The following ARHGEF11 variants were observed in gnomAD, a reference collection of about 807,000 sequenced individuals.
ARHGEF11 encodes Rho guanine nucleotide exchange factor 11.
Under a neutral mutation model 193.7 loss-of-function variants are expected in ARHGEF11, and 55 were observed. The observed-to-expected ratio is 0.28, with a 90% CI of 0.23 to 0.36. The LOEUF (loss-of-function observed/expected upper bound fraction) is 0.36, where lower values mean the gene tolerates loss of function less well. ARHGEF11 is among the 10% of genes least tolerant of loss of function. ARHGEF11 has a pLI of 1.00. For missense variants in ARHGEF11, 1,723 were observed against 2,005.6 expected (o/e 0.86, Z 2.69); for synonymous variants, 693 against 768.0 (o/e 0.90, Z 1.62).
intron 11 of ARHGEF11, among the ~76,000 whole-genome samples, chr1:156,967,553 G>A (rs1342175292): frequency 6.6e-6 from 1 of 152,138 alleles, no homozygotes; most frequent in African/African-American, 2.4e-5. Context: ...GATCAGTAAA[G>A]GTCCTAGGGG....
rs183054855 is a variant in ARHGEF11 at position 157,043,078 on chromosome 1, G to A, written c.32+1221C>T. On this transcript the variant is annotated intron_variant, in intron 1 of 40. Coordinates refer to ENST00000368194, the MANE Select transcript of ARHGEF11 (RefSeq NM_198236.3). Reference sequence around the variant, plus strand: ...GCTGAACTAATCTAAATGGGACTCTGAGGCAATACAGAGATTAGTGCTTGA... The same window carrying A: ...GCTGAACTAATCTAAATGGGACTCTAAGGCAATACAGAGATTAGTGCTTGA... Among the ~76,000 whole-genome samples the A allele has an allele frequency of 3.9e-5, 6 of 152,296 alleles. No homozygotes were observed. In the East Asian group the frequency reaches 7.7e-4, roughly 20 times the overall value.
chr1:156,940,509 G>A (rs1168363329), intron 35 of ARHGEF11, 84 bp from the exon 36 acceptor site: 3 of 1,285,216 alleles, frequency 2.3e-6, no homozygotes, highest in East Asian at 4.8e-5. Flanking sequence ...TGGAGCCAAG[G>A]GGCTGGGAAC....
chr1:157,028,196 G>C (rs192681408), intron 1 of ARHGEF11, among the ~76,000 whole-genome samples: 32 of 152,282 alleles, frequency 2.1e-4, no homozygotes, highest in African/African-American at 7.5e-4. Flanking sequence ...CTGTGCAAAG[G>C]CTCCAAGATC....
At chr1:156,990,287 T>C (rs962319390) in intron 1 of ARHGEF11, among the ~76,000 whole-genome samples, 3 of 152,236 alleles carry the variant, frequency 2.0e-5, no homozygotes, top group Non-Finnish European at 4.4e-5. Context: ...TAAACATTTT[T>C]AAGAGACTAT....
rs745891824 is a variant in ARHGEF11 at position 156,941,412 on chromosome 1, G to A, written c.3474C>T (p.Asp1158=). The A allele has an allele frequency of 5.6e-6, 9 of 1,613,738 alleles. No individual in the cohort carries two copies. The highest frequency in any genetic ancestry group is 6.8e-6 in the Non-Finnish European group (8 of 1,179,854). ...TPSRVELDDS[D]VFHGEPEPEE... ...CAGGTTCAGGTTCACCATGGAACAC[G>A]TCTGAGTCATCCAGTTCTACCCTGA... is the stretch of plus-strand genomic sequence containing the variant. Residue 1158 remains aspartate (D), a synonymous_variant, in exon 35 of 41, where the codon GAC becomes GAT. Coordinates refer to ENST00000368194, the MANE Select transcript of ARHGEF11 (RefSeq NM_198236.3).
At chr1:156,996,303 T>C (rs940485234) in intron 1 of ARHGEF11, among the ~76,000 whole-genome samples, 1 of 152,078 alleles carries the variant, frequency 6.6e-6, no homozygotes, top group Non-Finnish European at 1.5e-5. Flanking sequence ...AGTTACAAAC[T>C]AGATTTGGGG....
At chr1:156,946,531 A>T in intron 28 of ARHGEF11, 131 bp downstream of exon 28, 1 of 1,300,530 alleles carries the variant, frequency 7.7e-7, no homozygotes, top group Non-Finnish European at 1.1e-6. Context: ...AGTGCTTTTG[A>T]GGAGCGTGTG....
chr1:156,942,731 C>T lies in ARHGEF11; in HGVS notation c.3285G>A (p.Gln1095=). 6.2e-7 allele frequency: 1 copy of T among 1,614,152 alleles called. No individual in the cohort carries two copies. The highest frequency in any genetic ancestry group is 8.5e-7 in the Non-Finnish European group (1 of 1,179,986). Residue 1095 remains glutamine, a synonymous_variant, in exon 33 of 41, where the codon CAG becomes CAA. Coordinates refer to ENST00000368194, the MANE Select transcript of ARHGEF11 (RefSeq NM_198236.3). ...IICTSKLGPP[Q]IYELVALTSS... ...ACGTCAATGCAACCAGCTCATAGATCTGGGGTGGGCCCAGCTTGGAGGTGC... is the reference window on the plus strand; with the variant it reads ...ACGTCAATGCAACCAGCTCATAGATTTGGGGTGGGCCCAGCTTGGAGGTGC...
chr1:157,031,626 A>C (rs1286901057), intron 1 of ARHGEF11, among the ~76,000 whole-genome samples: 1 of 152,214 alleles, frequency 6.6e-6, no homozygotes, highest in Non-Finnish European at 1.5e-5. Context: ...AAAGAAAAGC[A>C]GGAGAGGAGG....
At position 156,961,783 on chromosome 1, in the gene ARHGEF11, G is replaced by C; in HGVS notation, c.1141-8C>G. 1 of 1,613,586 alleles carries C rather than the reference G, an allele frequency of 6.2e-7. No homozygotes were observed. The highest frequency in any genetic ancestry group is 8.5e-7 in the Non-Finnish European group (1 of 1,179,510). The stretch of plus-strand genomic sequence containing the variant: ...TGCACACAGGTAAAAAAGCTAGGAG[G>C]AGAGAGAACTGGGTTAGAGCAGTGG... On this transcript the variant is annotated splice_region_variant and splice_polypyrimidine_tract_variant and intron_variant, in intron 13 of 40. Transcript: ENST00000368194.
intron 2 of ARHGEF11, among the ~76,000 whole-genome samples, chr1:156,985,367 A>G (rs924061358): frequency 6.6e-6 from 1 of 152,202 alleles, no homozygotes; most frequent in African/African-American, 2.4e-5. Context: ...CATAAACACT[A>G]AGTTGCTTTA....
intron 1 of ARHGEF11, among the ~76,000 whole-genome samples, chr1:157,012,030 G>C (rs1409150476): frequency 6.6e-6 from 1 of 151,988 alleles, no homozygotes; most frequent in African/African-American, 2.4e-5. Flanking sequence ...TGTACATGAA[G>C]GTTCATAGTA....
rs1663708708 is a variant in ARHGEF11 at position 156,979,089 on chromosome 1, G to A, written c.331+140C>T. 15 of 743,240 alleles carry A rather than the reference G, an allele frequency of 2.0e-5. 1 individual carries two copies. The highest frequency in any genetic ancestry group is 4.8e-5 in the South Asian group (3 of 62,002). 46.0% of individuals were successfully genotyped at this position (743,240 alleles called of 1,614,324 possible). ...ACTTAAGTGGATCACTCCATGTTACGATTAAAGATGTGACTTTAGCTGCCT... is the reference window on the plus strand; with the variant it reads ...ACTTAAGTGGATCACTCCATGTTACAATTAAAGATGTGACTTTAGCTGCCT... On this transcript the variant is annotated intron_variant, in intron 5 of 40. Transcript: ENST00000368194.
At chr1:156,997,357 C>G (rs1441501666) in intron 1 of ARHGEF11, among the ~76,000 whole-genome samples, 1 of 152,160 alleles carries the variant, frequency 6.6e-6, no homozygotes, top group African/African-American at 2.4e-5. Flanking sequence ...TAAACGGTAT[C>G]TAAGGATTAT....
rs3831268 is a variant in ARHGEF11 at position 156,936,832 on chromosome 1, C to CG, written c.4613_4614insC (p.Pro1539AlafsTer4). On this transcript the variant is annotated frameshift_variant, in exon 40 of 41. Transcript: ENST00000368194. LOFTEE classifies it low-confidence loss of function (END_TRUNC). Reference sequence around the variant, plus strand: ...TTCACTCACCATCCTCAGGGCAGGGCCCCAGTTCATGGCTGTTCCTGGAGT... The same window carrying CG: ...TTCACTCACCATCCTCAGGGCAGGGCGCCCAGTTCATGGCTGTTCCTGGAGT... 52 of 1,613,882 alleles carry CG rather than the reference C, an allele frequency of 3.2e-5. 1 individual carries two copies. The East Asian group carries it at 1.1e-3, about 35-fold the overall frequency.
In ARHGEF11 at chr1:156,957,813, G is replaced by A; in HGVS notation, c.1505C>T (p.Ser502Phe). 5.0e-6 allele frequency: 8 copies of A among 1,614,094 alleles called. No individual in the cohort carries two copies. Among genetic ancestry groups the A allele is most frequent in the Non-Finnish European group, 6.8e-6 (8 of 1,179,984 alleles). Residue 502 changes from serine (S) to phenylalanine (F), a missense_variant and splice_region_variant, in exon 18 of 41, where the codon TCC (serine) becomes TTC (phenylalanine). Ser to Phe is a radical substitution (Grantham distance 155). This residue lies in a region of ARHGEF11 where 646 missense variants were observed against 710.7 expected (regional missense o/e 0.91). Transcript: ENST00000368194. The part of the protein sequence containing the change: ...KQLAALGDIL[S>F]KYEEDRSAPM... ...TTACCTCCTGTCTTCCTCATACTTG[G>A]ACCTGGAATGGAAGAAAGAACAGAT... is the stretch of plus-strand genomic sequence containing the variant.
Position 156,948,750 on chromosome 1 carries a change from A to G in ARHGEF11, c.1926-252T>C. ...ACAGTCATCTTCCTCTGGAGCTATT[A>G]GGAAGGGATCCTAACAGGAAGATGA... On this transcript the variant is annotated intron_variant, in intron 22 of 40. Transcript: ENST00000368194. This position sits in a 1 kb window ranked among gnomAD's most constrained non-coding sequence, Gnocchi z 4.2. 1.4e-6 allele frequency: 2 copies of G among 1,443,976 alleles called. No individual in the cohort carries two copies. Among genetic ancestry groups the G allele is most frequent in the Middle Eastern group, 2.3e-4 (1 of 4,418 alleles). 89.4% of individuals were successfully genotyped at this position (1,443,976 alleles called of 1,614,324 possible).
At chr1:156,985,011 T>C (rs889374181) in intron 2 of ARHGEF11, among the ~76,000 whole-genome samples, 1 of 151,826 alleles carries the variant, frequency 6.6e-6, no homozygotes, top group South Asian at 2.1e-4. Flanking sequence ...GGTTTTCTTC[T>C]TGTCATGTAT....
rs1202915920 is a variant in ARHGEF11, at chr1:157,045,620, GGC to G, written c.-1292_-1291del. Among the ~76,000 whole-genome samples, 3 of 150,732 alleles carry G rather than the reference GGC, an allele frequency of 2.0e-5. No individual in the cohort carries two copies. The highest frequency in any genetic ancestry group is 4.4e-5 in the Non-Finnish European group (3 of 67,570). On this transcript the variant is annotated 5_prime_UTR_variant, in exon 1 of 41. Coordinates refer to ENST00000368194, the MANE Select transcript of ARHGEF11 (RefSeq NM_198236.3). ...ACGCCCGGCCGGGCCTCGGGCTCCC[GGC>G]GCCGCTCGCCCCGCGCCCGACCGCC...
Sources: allele counts gnomAD v4.1 joint callset (sites outside exome capture counted in the v4.1 genomes callset), GRCh38; gene constraint gnomAD v4.1.1; regional missense constraint gnomAD v4.1.1; non-coding constraint Gnocchi (gnomAD v3.1); transcripts MANE v1.5; gene names NCBI Gene and HGNC (gene_info 2026-07-23, HGNC 2026-07-21).